The following NKAIN3 variants were observed in gnomAD, a reference collection of about 807,000 sequenced individuals.
NKAIN3 encodes sodium/potassium-transporting ATPase subunit beta-1-interacting protein 3.
A neutral mutation model predicts 30.2 loss-of-function variants in NKAIN3; 25 were observed. The ratio of observed to expected loss-of-function variants is 0.83; its 90% confidence interval spans 0.60 to 1.16. The LOEUF is 1.16. Among genes scored for constraint, NKAIN3 ranks in the 50% most tolerant of loss-of-function variants. The pLI, the probability that NKAIN3 is intolerant of heterozygous loss-of-function variation, is 0.00. For missense variants in NKAIN3, 225 were observed against 254.1 expected, an observed-to-expected ratio of 0.89 and a Z score of 0.78; for synonymous variants, 91 against 89.6, an observed-to-expected ratio of 1.02 and a Z score of -0.09.
chr8:62,501,949 T>A (rs1807468530), intron 1 of NKAIN3, among the ~76,000 whole-genome samples: 1 of 152,164 alleles, frequency 6.6e-6, no homozygotes, highest in African/African-American at 2.4e-5. Context: ...CAACAGAACC[T>A]AGATGGAGAT....
chr8:62,646,023 A>G lies in NKAIN3; in HGVS notation c.273+56229A>G, dbSNP rs115774826. 4.1e-3 allele frequency among the ~76,000 whole-genome samples: 622 copies of G among 152,104 alleles called. 5 individuals are homozygous for G. The highest frequency in any genetic ancestry group is 0.014 in the African/African-American group (591 of 41,500). On this transcript the variant is annotated intron_variant, in intron 3 of 6. Coordinates refer to ENST00000623646, the MANE Select transcript of NKAIN3 (RefSeq NM_001304533.3). ...CTCAAAACTTATTACTTTGAAATACATACCAAAATCTTTGGAGATGGAGTT... is the reference window on the plus strand; with the variant it reads ...CTCAAAACTTATTACTTTGAAATACGTACCAAAATCTTTGGAGATGGAGTT...
chr8:62,890,336 A>G (rs1821265209), intron 4 of NKAIN3, among the ~76,000 whole-genome samples: 1 of 152,192 alleles, frequency 6.6e-6, no homozygotes, highest in South Asian at 2.1e-4. Context: ...TTTGTTTGTA[A>G]TTGTCCTTTT....
At chr8:62,590,672 A>G (rs1810624517) in intron 3 of NKAIN3, among the ~76,000 whole-genome samples, 1 of 151,882 alleles carries the variant, frequency 6.6e-6, no homozygotes, top group African/African-American at 2.4e-5. Flanking sequence ...ATTTTAGAAA[A>G]TGTGTCTTGA....
downstream of NKAIN3, among the ~76,000 whole-genome samples, chr8:62,988,965 T>C (rs1295057816): frequency 2.0e-5 from 3 of 152,208 alleles, no homozygotes; most frequent in Non-Finnish European, 4.4e-5. Flanking sequence ...AAGTTCAGTG[T>C]TCCACAGATC....
In NKAIN3 at chr8:62,328,551, C is replaced by A. The variant is rs142005454; in HGVS notation, c.54+79424C>A. On this transcript the variant is annotated intron_variant, in intron 1 of 6. Coordinates refer to ENST00000623646, the MANE Select transcript of NKAIN3 (RefSeq NM_001304533.3). ...CTGTTTTCTCAGTCTTCTGGGAAGACAGAACCATATGCCACTAAACCAATC... is the reference window on the plus strand; with the variant it reads ...CTGTTTTCTCAGTCTTCTGGGAAGAAAGAACCATATGCCACTAAACCAATC... 9.0e-3 allele frequency among the ~76,000 whole-genome samples: 1,369 copies of A among 152,092 alleles called. 30 individuals are homozygous for A. The highest frequency in any genetic ancestry group is 0.031 in the African/African-American group (1,293 of 41,532).
At chr8:62,484,988 T>C (rs1434229552) in intron 1 of NKAIN3, among the ~76,000 whole-genome samples, 2 of 152,226 alleles carry the variant, frequency 1.3e-5, no homozygotes, top group African/African-American at 4.8e-5. Flanking sequence ...AACTCTGTCA[T>C]TGAATTTACC....
intron 1 of NKAIN3, among the ~76,000 whole-genome samples, chr8:62,488,377 A>G (rs1393493809): frequency 6.6e-6 from 1 of 152,190 alleles, no homozygotes; most frequent in Non-Finnish European, 1.5e-5. Context: ...ATGACTTCTT[A>G]GCACCACTGT....
Position 62,306,428 on chromosome 8 carries a change from C to A in NKAIN3, c.54+57301C>A, listed in dbSNP as rs552089348. Among the ~76,000 whole-genome samples the A allele has an allele frequency of 3.3e-5, 5 of 150,068 alleles. No individual in the cohort carries two copies. In the South Asian group the frequency reaches 1.0e-3, roughly 31 times the overall value. ...CAGAATGCAATAATTATAAGGAGGGCAGTGAAAATCTTAATGAGATAGTTT... is the reference window on the plus strand; with the variant it reads ...CAGAATGCAATAATTATAAGGAGGGAAGTGAAAATCTTAATGAGATAGTTT... On this transcript the variant is annotated intron_variant, in intron 1 of 6. Transcript: ENST00000623646.
chr8:62,365,887 T>A (rs541545903), intron 1 of NKAIN3, among the ~76,000 whole-genome samples: 78 of 152,310 alleles, frequency 5.1e-4, no homozygotes, highest in African/African-American at 1.8e-3. Flanking sequence ...ATGTATTTTT[T>A]AAAAATTTTA....
At chr8:62,287,782 C>T (rs1278959941) in intron 1 of NKAIN3, among the ~76,000 whole-genome samples, 1 of 152,084 alleles carries the variant, frequency 6.6e-6, no homozygotes, top group Non-Finnish European at 1.5e-5. Flanking sequence ...CATGGTCCTT[C>T]CACATTCTGA....
At chr8:62,822,354 T>C (rs900329310) in intron 4 of NKAIN3, among the ~76,000 whole-genome samples, 1 of 152,136 alleles carries the variant, frequency 6.6e-6, no homozygotes, top group African/African-American at 2.4e-5. Flanking sequence ...AAGAAGTGTT[T>C]CAAGAACATT....
chr8:62,279,981 C>T (rs911061576), intron 1 of NKAIN3, among the ~76,000 whole-genome samples: 5 of 152,072 alleles, frequency 3.3e-5, no homozygotes, highest in African/African-American at 9.7e-5. Context: ...GCCATTTTCA[C>T]GATATTTGTT....
chr8:62,634,935 A>G (rs917938554), intron 3 of NKAIN3, among the ~76,000 whole-genome samples: 1 of 152,102 alleles, frequency 6.6e-6, no homozygotes, highest in Non-Finnish European at 1.5e-5. Flanking sequence ...AAAACTTAGG[A>G]TGCTGTTTTA....
intron 1 of NKAIN3, among the ~76,000 whole-genome samples, chr8:62,476,233 G>C (rs1806513813): frequency 1.3e-5 from 2 of 152,130 alleles, no homozygotes; most frequent in African/African-American, 4.8e-5. Flanking sequence ...CTAAAAAATA[G>C]ATATATAAAA....
chr8:62,465,370 C>T (rs1435287326), intron 1 of NKAIN3, among the ~76,000 whole-genome samples: 1 of 152,004 alleles, frequency 6.6e-6, no homozygotes, highest in East Asian at 1.9e-4. Context: ...AGAACGTTAA[C>T]ACAACAACAA....
At chr8:62,624,082 C>A (rs1199495317) in intron 3 of NKAIN3, among the ~76,000 whole-genome samples, 1 of 151,970 alleles carries the variant, frequency 6.6e-6, no homozygotes, top group East Asian at 1.9e-4. Context: ...TAGGAGTATC[C>A]TTTAGCATGA....
chr8:62,555,325 A>T (rs1809353538), intron 1 of NKAIN3, among the ~76,000 whole-genome samples: 1 of 152,152 alleles, frequency 6.6e-6, no homozygotes, highest in Admixed American at 6.6e-5. Flanking sequence ...AAATAAGTAT[A>T]AGGTAATATG....
intron 3 of NKAIN3, among the ~76,000 whole-genome samples, chr8:62,652,026 A>C (rs200700010): frequency 4.6e-5 from 7 of 152,126 alleles, no homozygotes; most frequent in Non-Finnish European, 8.8e-5. Context: ...TCATAGCAAC[A>C]CAAGAATGGC....
chr8:62,885,919 G>A (rs2130819207), intron 4 of NKAIN3, among the ~76,000 whole-genome samples: 3 of 152,210 alleles, frequency 2.0e-5, no homozygotes, highest in Middle Eastern at 3.4e-3. Flanking sequence ...GTTGGGTCTT[G>A]TTTTCAGATC....
Sources: allele counts gnomAD v4.1 joint callset (sites outside exome capture counted in the v4.1 genomes callset), GRCh38; gene constraint gnomAD v4.1.1; transcripts MANE v1.5; gene names NCBI Gene and HGNC (gene_info 2026-07-23, HGNC 2026-07-21).